The following CYP2R1 variants were observed in gnomAD, a reference collection of about 807,000 sequenced individuals.
The protein encoded by CYP2R1 is cytochrome P450 family 2 subfamily R member 1, also known as vitamin D 25-hydroxylase.
In CYP2R1, 40 loss-of-function variants were observed where a neutral mutation model predicts 45.7. The observed-to-expected ratio is 0.87, with a 90% confidence interval of 0.68 to 1.14. CYP2R1 has a LOEUF of 1.14. CYP2R1 is among the 50% of genes most tolerant of loss of function. CYP2R1 has a pLI of 0.00. For synonymous variants in CYP2R1, 234 were observed against 219.3 expected, an observed-to-expected ratio of 1.07 and a Z score of -0.59; for missense variants, 605 against 602.6, an observed-to-expected ratio of 1.00 and a Z score of -0.04.
intron 2 of CYP2R1, among the ~76,000 whole-genome samples, chr11:14,883,135 TC>T (rs1434577497): frequency 1.3e-5 from 2 of 152,070 alleles, no homozygotes; most frequent in East Asian, 3.9e-4. Flanking sequence ...TTCAATGCCA[TC>T]CCCATCAAGC....
At chr11:14,890,951 A>T in intron 1 of CYP2R1, 10 of 985,272 alleles carry the variant, frequency 1.0e-5, no homozygotes, top group Non-Finnish European at 1.1e-5. Flanking sequence ...CAAAACACTG[A>T]CCACAGCCTG....
In CYP2R1 at chr11:14,890,958, C is replaced by G. The variant is rs546805342; in HGVS notation, c.225+1023G>C. 177 of 985,412 alleles carry G rather than the reference C, an allele frequency of 1.8e-4. 3 individuals carry two copies. In the South Asian group the frequency reaches 7.5e-3, roughly 42 times the overall value. 61.0% of individuals were successfully genotyped at this position (985,412 alleles called of 1,614,324 possible). On this transcript the variant is annotated intron_variant, in intron 1 of 4. Coordinates refer to ENST00000334636, the MANE Select transcript of CYP2R1 (RefSeq NM_024514.5). ...TTTTCCTTCAAAACACTGACCACAG[C>G]CTGTGGCCGATAATGAGATTAGTTT...
chr11:14,891,216 C>T (rs1848841126), intron 1 of CYP2R1: 4 of 985,284 alleles, frequency 4.1e-6, no homozygotes, highest in South Asian at 9.4e-5. Flanking sequence ...CTTTCCCCTC[C>T]GCAGAATGAG....
chr11:14,880,569 G>A lies in CYP2R1; in HGVS notation c.567C>T (p.Asn189=). ...FKQLITNAVS[N]ITNLIIFGER... The stretch of plus-strand genomic sequence containing the variant: ...CTCCAAAAATGATCAGATTGGTTAT[G>A]TTTGAAACAGCATTCGTTATTAACT... Residue 189 remains asparagine, a synonymous_variant, in exon 3 of 5, where the codon AAC becomes AAT. Transcript: ENST00000334636. 1 of 1,613,330 alleles carries A rather than the reference G, an allele frequency of 6.2e-7. No individual in the cohort carries two copies. Among genetic ancestry groups the A allele is most frequent in the Non-Finnish European group, 8.5e-7 (1 of 1,179,590 alleles).
chr11:14,889,179 T>C (rs1377478818), intron 1 of CYP2R1, among the ~76,000 whole-genome samples: 87 of 151,874 alleles, frequency 5.7e-4, no homozygotes, highest in African/African-American at 2.0e-3. Context: ...TTTTTTTTTT[T>C]CTGTGAGCAT....
chr11:14,892,159 C>A lies in CYP2R1; in HGVS notation c.47G>T (p.Gly16Val). Residue 16 changes from glycine to valine, a missense_variant, in exon 1 of 5, where the codon GGC becomes GTC. Gly to Val is a moderately radical substitution (Grantham distance 109). Transcript: ENST00000334636. The stretch of plus-strand genomic sequence containing the variant: ...CGCGAAGAGCAGCAGGAAGAGCGCG[C>A]CGCCGAGCGCCGCCGCGCCCTCTTC... Reference protein sequence around the residue: ...RAEEGAAALGGALFLLLFALG... With the variant: ...RAEEGAAALGVALFLLLFALG... The A allele has an allele frequency of 6.2e-7, 1 of 1,610,698 alleles. No individual in the cohort carries two copies. Among genetic ancestry groups the A allele is most frequent in the Non-Finnish European group, 8.5e-7 (1 of 1,179,730 alleles).
At chr11:14,891,413 A>G (rs1226092318) in intron 1 of CYP2R1, 5 of 985,764 alleles carry the variant, frequency 5.1e-6, no homozygotes, top group Non-Finnish European at 6.0e-6. Flanking sequence ...CAATTCATTC[A>G]CGCGTTCACA....
In CYP2R1 at chr11:14,891,794, A is replaced by AG. The variant is rs375390625; in HGVS notation, c.225+186dup. The AG allele has an allele frequency of 3.0e-5, 42 of 1,403,908 alleles. No homozygotes were observed. In the African/African-American group the frequency reaches 4.7e-4, roughly 16 times the overall value. The allele number at this position is 1,403,908 out of a possible 1,614,324, so 87.0% of individuals were successfully genotyped here. On this transcript the variant is annotated intron_variant, in intron 1 of 4. Coordinates refer to ENST00000334636, the MANE Select transcript of CYP2R1 (RefSeq NM_024514.5). Reference sequence around the variant, plus strand: ...CGGCAGGGGCGGGGCTCCCCCTGCAAGGGGGCACGGCGTCGAGGACTTCTC... The same window carrying AG: ...CGGCAGGGGCGGGGCTCCCCCTGCAAGGGGGGCACGGCGTCGAGGACTTCTC...
chr11:14,879,240 T>C lies in CYP2R1; in HGVS notation c.1204A>G (p.Thr402Ala). 1 of 1,613,356 alleles carries C rather than the reference T, an allele frequency of 6.2e-7. No homozygotes were observed. Among genetic ancestry groups the C allele is most frequent in the East Asian group, 2.2e-5 (1 of 44,844 alleles). ...YSIPKGTTVI[T>A]NLYSVHFDEK... ...TCAAAGTGTACAGAATAAAGATTTG[T>C]AATTACTGTTGTGCCTTTAGGAATG... Residue 402 changes from threonine to alanine, a missense_variant, in exon 4 of 5, where the codon ACA (threonine) becomes GCA (alanine). Physicochemically the swap from Thr to Ala is moderately conservative, Grantham distance 58. Coordinates refer to ENST00000334636, the MANE Select transcript of CYP2R1 (RefSeq NM_024514.5).
intron 1 of CYP2R1, chr11:14,890,812 T>C (rs1848820698): frequency 1.0e-6 from 1 of 959,572 alleles, no homozygotes; most frequent in African/African-American, 1.8e-5. Flanking sequence ...CCTCCTAAAG[T>C]GCTGGGATTA....
chr11:14,892,196 G>A lies in CYP2R1; in HGVS notation c.10C>T (p.Leu4Phe). Residue 4 changes from leucine (L) to phenylalanine (F), a missense_variant, in exon 1 of 5, where the codon CTT becomes TTT. Leu to Phe is a conservative substitution (Grantham distance 22, BLOSUM62 0). Coordinates refer to ENST00000334636, the MANE Select transcript of CYP2R1 (RefSeq NM_024514.5). Reference sequence around the variant, plus strand: ...GCCGCGCCCTCTTCAGCTCTCCAAAGCTTCCACATCGGCCCGAGCTGGAGG... The same window carrying A: ...GCCGCGCCCTCTTCAGCTCTCCAAAACTTCCACATCGGCCCGAGCTGGAGG... Reference protein sequence around the residue: MWKLWRAEEGAAAL... With the variant: MWKFWRAEEGAAAL... The A allele has an allele frequency of 1.2e-6, 2 of 1,610,154 alleles. No individual in the cohort carries two copies. The highest frequency in any genetic ancestry group is 2.2e-5 in the East Asian group (1 of 44,862).
chr11:14,880,392 T>G lies in CYP2R1; in HGVS notation c.744A>C (p.Arg248Ser), dbSNP rs898883880. The change falls in exon 3 of 5, where the codon AGA becomes AGC. Residue 248 changes from arginine (R) to serine (S), a missense_variant. By Grantham distance (110) the Arg-to-Ser change is moderately radical. Transcript: ENST00000334636. ...GAAAATCATAGACTACAGCTGCATT[T>G]CTAAACAGCTGTTGATGTTTTCCAA... Reference protein sequence around the residue: ...LPFGKHQQLFRNAAVVYDFLS... With the variant: ...LPFGKHQQLFSNAAVVYDFLS... The G allele has an allele frequency of 4.0e-5, 64 of 1,613,336 alleles. No individual in the cohort carries two copies. The highest frequency in any genetic ancestry group is 5.0e-5 in the Non-Finnish European group (59 of 1,179,668).
At chr11:14,884,040 G>T (rs1555013420) in intron 2 of CYP2R1, among the ~76,000 whole-genome samples, 1 of 152,066 alleles carries the variant, frequency 6.6e-6, no homozygotes, top group Admixed American at 6.5e-5. Flanking sequence ...AACAGGTGCT[G>T]GAGAGGATGT....
At position 14,892,064 on chromosome 11, in the gene CYP2R1, A is replaced by G; in HGVS notation, c.142T>C (p.Phe48Leu). 1 of 1,612,444 alleles carries G rather than the reference A, an allele frequency of 6.2e-7. No homozygotes were observed. Among genetic ancestry groups the G allele is most frequent in the Non-Finnish European group, 8.5e-7 (1 of 1,179,678 alleles). ...GFPPGPPGLP[F>L]IGNIYSLAAS... ...GCCAGGGAATAGATGTTGCCGATAAATGGCAGCCCCGGCGGCCCCGGGGGG... is the reference window on the plus strand; with the variant it reads ...GCCAGGGAATAGATGTTGCCGATAAGTGGCAGCCCCGGCGGCCCCGGGGGG... The change falls in exon 1 of 5, where the codon TTT (phenylalanine) becomes CTT (leucine). Residue 48 changes from phenylalanine to leucine, a missense_variant. Physicochemically the swap from Phe to Leu is conservative, Grantham distance 22. Transcript: ENST00000334636.
Position 14,877,925 on chromosome 11 carries a change from C to T in CYP2R1, c.*197G>A. 1 of 579,576 alleles carries T rather than the reference C, an allele frequency of 1.7e-6. No homozygotes were observed. Among genetic ancestry groups the T allele is most frequent in the East Asian group, 2.9e-5 (1 of 33,964 alleles). The allele number at this position is 579,576 out of a possible 1,614,324, so 35.9% of individuals were successfully genotyped here. A position where few individuals can be genotyped will look rare whatever the true frequency, so the allele number is the denominator to read the frequency against. ...TGTGTCTCTCAACAGAGAATTTTAC[C>T]CCAGAAGTCATAAAATCTTGAAAAA... is the stretch of plus-strand genomic sequence containing the variant. On this transcript the variant is annotated 3_prime_UTR_variant, in exon 5 of 5. Coordinates refer to ENST00000334636, the MANE Select transcript of CYP2R1 (RefSeq NM_024514.5).
At chr11:14,879,034 T>C (rs1848265631) in intron 4 of CYP2R1, 80 bp downstream of exon 4, 1 of 1,111,854 alleles carries the variant, frequency 9.0e-7, no homozygotes, top group Admixed American at 1.8e-5. Flanking sequence ...TATAGAAGGA[T>C]GCTTCAGATT....
In CYP2R1 at chr11:14,880,744, C is replaced by T. The variant is rs782785069; in HGVS notation, c.392G>A (p.Arg131Gln). The T allele has an allele frequency of 8.1e-6, 13 of 1,608,226 alleles. No homozygotes were observed. The highest frequency in any genetic ancestry group is 1.7e-5 in the Admixed American group (1 of 58,850). ...TAATCGTCTGTGATCAACCCATCCTCGGCCATATCTGGAATTGAGTAAGCC... is the reference window on the plus strand; with the variant it reads ...TAATCGTCTGTGATCAACCCATCCTTGGCCATATCTGGAATTGAGTAAGCC... ...MGGLLNSRYGRGWVDHRRLAV... is the reference protein window; with the variant it reads ...MGGLLNSRYGQGWVDHRRLAV... The change falls in exon 3 of 5, where the codon CGA (arginine) becomes CAA (glutamine). Residue 131 changes from arginine (R) to glutamine (Q), a missense_variant. Arg to Gln is a conservative substitution (Grantham distance 43, BLOSUM62 1). Transcript: ENST00000334636.
At position 14,879,461 on chromosome 11, in the gene CYP2R1, T is replaced by C. The variant is rs782055629; in HGVS notation, c.1001-18A>G. 1.9e-6 allele frequency: 3 copies of C among 1,572,348 alleles called. No individual in the cohort carries two copies. Among genetic ancestry groups the C allele is most frequent in the Non-Finnish European group, 2.6e-6 (3 of 1,157,290 alleles). On this transcript the variant is annotated intron_variant, in intron 3 of 4. Coordinates refer to ENST00000334636, the MANE Select transcript of CYP2R1 (RefSeq NM_024514.5). ...AACTTGTCCTGTCAGAGAAAAAGTA[T>C]TCAAGTTATTATGCAGTTCTTAGAA...
At chr11:14,890,703 C>T (rs782635626) in intron 1 of CYP2R1, among the ~76,000 whole-genome samples, 17 of 151,850 alleles carry the variant, frequency 1.1e-4, no homozygotes, top group Admixed American at 2.0e-4. Flanking sequence ...CCCGCCACCA[C>T]GCCCGGCTAA....
Sources: allele counts gnomAD v4.1 joint callset (sites outside exome capture counted in the v4.1 genomes callset), GRCh38; gene constraint gnomAD v4.1.1; transcripts MANE v1.5; gene names NCBI Gene and HGNC (gene_info 2026-07-23, HGNC 2026-07-21).